CACNA1I: variants seen among roughly 807,000 people sequenced by gnomAD.
CACNA1I encodes voltage-dependent T-type calcium channel subunit alpha-1I.
In CACNA1I, 74 loss-of-function variants were observed where a neutral mutation model predicts 201.6. That is an observed-to-expected ratio of 0.37 (90% confidence interval 0.30 to 0.45). The LOEUF (loss-of-function observed/expected upper bound fraction) is 0.45, where lower values mean the gene tolerates loss of function less well. CACNA1I is among the 20% of genes least tolerant of loss of function. The probability of loss-of-function intolerance (pLI) is 1.00; values close to 1 mark genes in which losing one functional copy is unlikely to be tolerated. For missense variants in CACNA1I, 2,346 were observed against 3,138.1 expected, an observed-to-expected ratio of 0.75 and a Z score of 6.03; for synonymous variants, 1,431 against 1,345.2, an observed-to-expected ratio of 1.06 and a Z score of -1.40.
chr22:39,610,517 G>A (rs1969881749), intron 3 of CACNA1I, among the ~76,000 whole-genome samples: 1 of 152,170 alleles, frequency 6.6e-6, no homozygotes, highest in African/African-American at 2.4e-5. Context: ...CATGTGTGAT[G>A]TTGGGGGAAG....
chr22:39,588,361 G>A (rs746996845), intron 1 of CACNA1I, among the ~76,000 whole-genome samples: 29 of 142,802 alleles, frequency 2.0e-4, no homozygotes, highest in Non-Finnish European at 3.6e-4. Context: ...TGCAGTTCAA[G>A]GCGTTTTCTT....
intron 18 of CACNA1I, 132 bp from the exon 19 acceptor site, chr22:39,663,586 G>GGTC: frequency 7.4e-6 from 8 of 1,080,420 alleles, no homozygotes; most frequent in East Asian, 2.6e-5. Flanking sequence ...GTCGGCACCT[G>GGTC]GCCAGAGGAG....
intron 18 of CACNA1I, 21 bp from the exon 19 acceptor site, chr22:39,663,697 G>GCGCCC: frequency 1.5e-5 from 24 of 1,592,594 alleles, no homozygotes; most frequent in Middle Eastern, 1.7e-4. Flanking sequence ...CGCTCAGGCA[G>GCGCCC]CCCCCGCCCA....
intron 4 of CACNA1I, among the ~76,000 whole-genome samples, chr22:39,633,180 ATCAT>A (rs1392857903): frequency 6.6e-6 from 1 of 151,920 alleles, no homozygotes; most frequent in Non-Finnish European, 1.5e-5. Flanking sequence ...GACTTATCAC[ATCAT>A]TCATTCATGA....
chr22:39,623,045 C>T (rs1414482835), intron 4 of CACNA1I, among the ~76,000 whole-genome samples: 1 of 152,214 alleles, frequency 6.6e-6, no homozygotes, highest in African/African-American at 2.4e-5. Flanking sequence ...GGTCTAGGGT[C>T]TGCCCAGCAG....
At chr22:39,594,374 A>G (rs1010438680) in intron 1 of CACNA1I, among the ~76,000 whole-genome samples, 5 of 152,102 alleles carry the variant, frequency 3.3e-5, no homozygotes, top group Admixed American at 3.3e-4. Flanking sequence ...AAGAGGGGAA[A>G]GGCGAGGGGG....
intron 1 of CACNA1I, among the ~76,000 whole-genome samples, chr22:39,584,916 C>T (rs938801918): frequency 5.3e-5 from 8 of 152,208 alleles, no homozygotes; most frequent in African/African-American, 1.9e-4. Flanking sequence ...GAGGCAGTGT[C>T]ACTTAGCGTC....
rs766958362 is a variant in CACNA1I, at chr22:39,681,011, G to C, written c.5623G>C (p.Glu1875Gln). 1 of 1,611,390 alleles carries C rather than the reference G, an allele frequency of 6.2e-7. No individual in the cohort carries two copies. The highest frequency in any genetic ancestry group is 8.5e-7 in the Non-Finnish European group (1 of 1,179,458). ...CCTGCTGGGTGACGACCTGAGTCTCGAGGACCCCACAGCCTGCCCACCTGG... is the reference window on the plus strand; with the variant it reads ...CCTGCTGGGTGACGACCTGAGTCTCCAGGACCCCACAGCCTGCCCACCTGG... ...SILLGDDLSL[E>Q]DPTACPPGRK... Residue 1875 changes from glutamate to glutamine, a missense_variant, in exon 34 of 37, where the codon GAG (glutamate) becomes CAG (glutamine). This residue lies in a region of CACNA1I where 441 missense variants were observed against 555.6 expected (regional missense o/e 0.79). Transcript: ENST00000402142.
chr22:39,673,945 G>C lies in CACNA1I; in HGVS notation c.4784-18G>C. On this transcript the variant is annotated intron_variant, in intron 28 of 36. Transcript: ENST00000402142. ...ACCGGCCTGGGGCTGAGTGGGCAGG[G>C]CTGGGTCTCGCCCGCAGTGCTGAAG... The C allele has an allele frequency of 6.2e-7, 1 of 1,611,086 alleles. No individual in the cohort carries two copies. The highest frequency in any genetic ancestry group is 1.1e-5 in the South Asian group (1 of 91,028).
chr22:39,681,185 T>C, intron 34 of CACNA1I, 133 bp downstream of exon 34: 1 of 1,034,840 alleles, frequency 9.7e-7, no homozygotes, highest in Middle Eastern at 2.8e-4. Context: ...CTTCATCTCC[T>C]GTTGGACAGA....
At chr22:39,679,601 G>A in intron 32 of CACNA1I, 121 bp from the exon 33 acceptor site, 1 of 1,102,192 alleles carries the variant, frequency 9.1e-7, no homozygotes. Context: ...TGATGAGGGG[G>A]TCGGTCCCAG....
intron 4 of CACNA1I, among the ~76,000 whole-genome samples, chr22:39,625,915 T>C (rs1371259910): frequency 6.8e-6 from 1 of 148,030 alleles, no homozygotes; most frequent in Non-Finnish European, 1.5e-5. Context: ...CATTTACATA[T>C]GAAAAGTGCT....
intron 1 of CACNA1I, among the ~76,000 whole-genome samples, chr22:39,591,188 T>C (rs1190276409): frequency 6.8e-6 from 1 of 146,610 alleles, no homozygotes; most frequent in African/African-American, 2.5e-5. Context: ...AGACGGAGTT[T>C]CACTCTCGTT....
chr22:39,660,488 A>G (rs1291310768), intron 15 of CACNA1I, 51 bp downstream of exon 15: 1 of 1,341,840 alleles, frequency 7.5e-7, no homozygotes, highest in Admixed American at 1.9e-5. Flanking sequence ...TTCTCCACAG[A>G]TCCAGGTGGG....
chr22:39,679,018 C>A, intron 31 of CACNA1I, 89 bp from the exon 32 acceptor site: 1 of 1,012,844 alleles, frequency 9.9e-7, no homozygotes, highest in Non-Finnish European at 1.4e-6. Flanking sequence ...GGTCTTGCTG[C>A]CTCCGAGCGT....
intron 8 of CACNA1I, 85 bp downstream of exon 8, chr22:39,646,966 C>G: frequency 7.0e-7 from 1 of 1,435,652 alleles, no homozygotes; most frequent in South Asian, 1.5e-5. Flanking sequence ...GGCCCAGCAG[C>G]CTCCAAATTC....
intron 16 of CACNA1I, 56 bp downstream of exon 16, chr22:39,661,366 G>A (rs1232888641): frequency 7.5e-7 from 1 of 1,335,996 alleles, no homozygotes; most frequent in East Asian, 2.5e-5. Context: ...GTGTGTGGAG[G>A]GGCCCTGAAG....
chr22:39,646,706 C>G lies in CACNA1I; in HGVS notation c.1287C>G (p.Ala429=). 6.3e-7 allele frequency: 1 copy of G among 1,595,240 alleles called. No homozygotes were observed. Among genetic ancestry groups the G allele is most frequent in the Non-Finnish European group, 8.5e-7 (1 of 1,171,228 alleles). The part of the protein sequence containing the change: ...YLSSSTVASY[A]EPGDCYEEIF... ...CCTCCAGCACGGTGGCCAGCTACGC[C>G]GAGCCTGGCGACTGCTACGAGGAGA... Residue 429 remains alanine (A), a synonymous_variant, in exon 8 of 37, where the codon GCC becomes GCG. Transcript: ENST00000402142.
At chr22:39,634,066 C>A (rs900059823) in intron 4 of CACNA1I, among the ~76,000 whole-genome samples, 2 of 152,306 alleles carry the variant, frequency 1.3e-5, no homozygotes, top group Admixed American at 1.3e-4. Context: ...AGTCCCAAGG[C>A]CTCTGGGACA....
Sources: allele counts gnomAD v4.1 joint callset (sites outside exome capture counted in the v4.1 genomes callset), GRCh38; gene constraint gnomAD v4.1.1; regional missense constraint gnomAD v4.1.1; transcripts MANE v1.5; gene names NCBI Gene and HGNC (gene_info 2026-07-23, HGNC 2026-07-21).